Variants in SCRN1 observed in about 807,000 individuals in gnomAD.
SCRN1 encodes the protein secernin-1.
Under a neutral mutation model 43.3 loss-of-function variants are expected in SCRN1, and 19 were observed. The observed-to-expected ratio is 0.44, with a 90% CI of 0.31 to 0.64. The LOEUF (loss-of-function observed/expected upper bound fraction) is 0.64, where lower values mean the gene tolerates loss of function less well. Among genes scored for constraint, SCRN1 ranks in the 30% least tolerant of loss-of-function variants. The pLI is 0.09. For missense variants in SCRN1, 447 were observed against 524.1 expected (o/e 0.85, Z 1.44); for synonymous variants, 183 against 188.9 (o/e 0.97, Z 0.26).
At chr7:29,949,143 GTC>G (rs1244099571) in intron 3 of SCRN1, among the ~76,000 whole-genome samples, 1 of 151,706 alleles carries the variant, frequency 6.6e-6, no homozygotes, top group East Asian at 2.0e-4. Context: ...GTGAAATCCT[GTC>G]TCTACTAAAA....
chr7:29,975,793 T>G (rs1477364600), intron 1 of SCRN1, among the ~76,000 whole-genome samples: 1 of 152,228 alleles, frequency 6.6e-6, no homozygotes, highest in East Asian at 1.9e-4. Flanking sequence ...CAGTTCTAAT[T>G]AATGAAACAC....
chr7:29,988,687 C>G (rs909601385), intron 1 of SCRN1: 1 of 152,524 alleles, frequency 6.6e-6, no homozygotes, highest in African/African-American at 2.4e-5. Context: ...ACCCGGCTGC[C>G]GGACGCAAGC....
At chr7:29,953,741 C>T (rs905171515) in intron 3 of SCRN1, among the ~76,000 whole-genome samples, 2 of 152,118 alleles carry the variant, frequency 1.3e-5, no homozygotes, top group Non-Finnish European at 1.5e-5. Context: ...GGGTGTCCCT[C>T]GCAGACCTCT....
rs775133288 is a variant in SCRN1, at chr7:29,969,955, C to A, written c.-1-887G>T. The stretch of plus-strand genomic sequence containing the variant: ...ATCTAATATATCACCAAGTCCTGTA[C>A]ATTCCATCTCCTAAATCTCTATGGA... On this transcript the variant is annotated intron_variant, in intron 1 of 7. Transcript: ENST00000242059. The A allele has an allele frequency of 1.2e-4, 55 of 445,532 alleles. 1 individual carries two copies. The highest frequency in any genetic ancestry group is 2.0e-4 in the Non-Finnish European group (44 of 220,722). The allele number at this position is 445,532 out of a possible 1,614,324, so 27.6% of individuals were successfully genotyped here.
At chr7:29,972,780 G>C (rs146919033) in intron 1 of SCRN1, among the ~76,000 whole-genome samples, 18 of 152,228 alleles carry the variant, frequency 1.2e-4, no homozygotes, top group African/African-American at 4.1e-4. Flanking sequence ...AATTCCAAAA[G>C]AATTTTCTAC....
intron 1 of SCRN1, among the ~76,000 whole-genome samples, chr7:29,978,432 G>T (rs1036111167): frequency 3.3e-5 from 5 of 152,096 alleles, no homozygotes; most frequent in African/African-American, 1.2e-4. Flanking sequence ...CTCTGACACG[G>T]AGGCCAATGA....
chr7:29,955,479 C>T (rs1788106642), intron 2 of SCRN1, 119 bp from the exon 3 acceptor site: 2 of 905,458 alleles, frequency 2.2e-6, no homozygotes, highest in Non-Finnish European at 3.3e-6. Context: ...AATAAAAGGC[C>T]TTGGGAATAC....
chr7:29,984,285 T>C (rs1209460139), intron 1 of SCRN1, among the ~76,000 whole-genome samples: 1 of 151,460 alleles, frequency 6.6e-6, no homozygotes, highest in Non-Finnish European at 1.5e-5. Flanking sequence ...TAATTTAGAA[T>C]TTTAAATTTT....
chr7:29,990,018 C>G, upstream of SCRN1: 3 of 1,457,502 alleles, frequency 2.1e-6, no homozygotes, highest in South Asian at 1.4e-5. Context: ...GTGGCCCCCT[C>G]TTTGCTAGAT....
chr7:29,941,222 A>G (rs1203284617), intron 4 of SCRN1, among the ~76,000 whole-genome samples: 2 of 152,226 alleles, frequency 1.3e-5, no homozygotes, highest in Non-Finnish European at 2.9e-5. Context: ...AGGTCCTTTG[A>G]AAGAGGTACT....
intron 1 of SCRN1, among the ~76,000 whole-genome samples, chr7:29,989,418 G>C (rs1031367021): frequency 2.0e-5 from 3 of 152,078 alleles, no homozygotes; most frequent in African/African-American, 7.2e-5. Flanking sequence ...CGCAGTCCCC[G>C]AGCCGAGTCA....
chr7:29,939,462 G>T (rs942192924), intron 5 of SCRN1, among the ~76,000 whole-genome samples: 2 of 152,086 alleles, frequency 1.3e-5, no homozygotes, highest in African/African-American at 4.8e-5. Flanking sequence ...GTGATCCTCT[G>T]CCTCAGCCTC....
intron 3 of SCRN1, among the ~76,000 whole-genome samples, chr7:29,944,529 G>A (rs191021771): frequency 3.4e-4 from 51 of 152,020 alleles, no homozygotes; most frequent in African/African-American, 1.2e-3. Flanking sequence ...CAGGCATGGC[G>A]GGACACACTG....
chr7:29,939,975 C>A (rs145158058), intron 5 of SCRN1, among the ~76,000 whole-genome samples: 2 of 151,630 alleles, frequency 1.3e-5, no homozygotes, highest in African/African-American at 4.9e-5. Context: ...CAAAATGAGA[C>A]CCTGTCTCTA....
At chr7:29,947,266 C>A in intron 3 of SCRN1, 1 of 1,550,780 alleles carries the variant, frequency 6.4e-7, no homozygotes, top group Non-Finnish European at 8.7e-7. Flanking sequence ...GAGCCCATGA[C>A]CTTCTCACAG....
intron 6 of SCRN1, among the ~76,000 whole-genome samples, chr7:29,934,520 T>C (rs549443869): frequency 2.0e-4 from 30 of 152,310 alleles, no homozygotes; most frequent in Non-Finnish European, 2.9e-4. Flanking sequence ...CAAATGTCCA[T>C]ATGTACCCCT....
At chr7:29,952,517 C>T (rs1787977476) in intron 3 of SCRN1, among the ~76,000 whole-genome samples, 1 of 152,048 alleles carries the variant, frequency 6.6e-6, no homozygotes. Context: ...TGGTGAAACC[C>T]CGTCCCTACT....
intron 1 of SCRN1, among the ~76,000 whole-genome samples, chr7:29,973,408 A>C (rs765488271): frequency 6.6e-6 from 1 of 152,188 alleles, no homozygotes; most frequent in Non-Finnish European, 1.5e-5. Flanking sequence ...CTCACTTTCT[A>C]TTCCACAAAA....
At chr7:29,979,968 C>CCTA (rs2127930822) in intron 1 of SCRN1, among the ~76,000 whole-genome samples, 1 of 152,126 alleles carries the variant, frequency 6.6e-6, no homozygotes, top group South Asian at 2.1e-4. Flanking sequence ...TAAGATTATC[C>CCTA]CTACAGGCTA....
Sources: allele counts gnomAD v4.1 joint callset (sites outside exome capture counted in the v4.1 genomes callset), GRCh38; gene constraint gnomAD v4.1.1; transcripts MANE v1.5; gene names NCBI Gene and HGNC (gene_info 2026-07-23, HGNC 2026-07-21).